The following SDCBP variants were observed in gnomAD, a reference collection of about 807,000 sequenced individuals.
SDCBP encodes syndecan binding protein.
Under a neutral mutation model 30.5 loss-of-function variants are expected in SDCBP, and 22 were observed. That is an observed-to-expected ratio of 0.72 (90% CI 0.52 to 1.03). The LOEUF is 1.03. Among genes scored for constraint, SDCBP ranks in the 50% least tolerant of loss-of-function variants. The pLI, the probability that SDCBP is intolerant of heterozygous loss-of-function variation, is 0.00. For missense variants in SDCBP, 304 were observed against 369.9 expected (o/e 0.82, Z 1.46); for synonymous variants, 103 against 118.7 (o/e 0.87, Z 0.86).
chr8:58,576,596 A>T (rs1805341892), intron 5 of SDCBP, among the ~76,000 whole-genome samples: 1 of 152,108 alleles, frequency 6.6e-6, no homozygotes, highest in Non-Finnish European at 1.5e-5. Context: ...TTCACATTTG[A>T]ATTTAATATG....
chr8:58,561,071 T>G (rs72647437), intron 1 of SDCBP: 1 of 152,052 alleles, frequency 6.6e-6, no homozygotes, highest in Non-Finnish European at 1.5e-5. Context: ...AGATGCAATA[T>G]GCTTCTTTGA....
chr8:58,576,827 T>C (rs781615435), intron 5 of SDCBP, among the ~76,000 whole-genome samples: 3 of 152,244 alleles, frequency 2.0e-5, no homozygotes, highest in Non-Finnish European at 2.9e-5. Context: ...GCTTAGTGCA[T>C]CCAGCCTTTC....
chr8:58,570,307 T>G (rs1804943939), intron 2 of SDCBP, among the ~76,000 whole-genome samples: 1 of 152,200 alleles, frequency 6.6e-6, no homozygotes, highest in Non-Finnish European at 1.5e-5. Context: ...CAAATTACAT[T>G]ACCTTGTCAT....
intron 1 of SDCBP, chr8:58,561,831 A>C: frequency 1.5e-6 from 1 of 664,722 alleles, no homozygotes; most frequent in Middle Eastern, 2.4e-4. Context: ...TATAAGTCTA[A>C]GACAAAAGTT....
intron 1 of SDCBP, among the ~76,000 whole-genome samples, chr8:58,553,977 A>G (rs1039785890): frequency 6.6e-6 from 1 of 152,190 alleles, no homozygotes; most frequent in Non-Finnish European, 1.5e-5. Context: ...CTGAGATATG[A>G]TGACTCAGAG....
At position 58,581,808 on chromosome 8, in the gene SDCBP, G is replaced by T; in HGVS notation, c.*68G>T. 3 of 1,304,842 alleles carry T rather than the reference G, an allele frequency of 2.3e-6. No homozygotes were observed. Among genetic ancestry groups the T allele is most frequent in the Non-Finnish European group, 3.3e-6 (3 of 900,362 alleles). The allele number at this position is 1,304,842 out of a possible 1,614,324, so 80.8% of individuals were successfully genotyped here. A position where few individuals can be genotyped will look rare whatever the true frequency, so the allele number is the denominator to read the frequency against. ...CCTTCTTTGGCAACTTCTGTATTAT[G>T]CACGTGAAGCCTTCCCGGAGCCAGC... On this transcript the variant is annotated 3_prime_UTR_variant, in exon 9 of 9. Transcript: ENST00000260130.
rs575924759 is a variant in SDCBP, at chr8:58,565,416, G to A, written c.51+332G>A. Reference sequence around the variant, plus strand: ...ATATTCATAGTTTTGTATAAAATTGGTATATTTTTCTTTTGGATCTTTAGG... The same window carrying A: ...ATATTCATAGTTTTGTATAAAATTGATATATTTTTCTTTTGGATCTTTAGG... On this transcript the variant is annotated intron_variant, in intron 2 of 8. Coordinates refer to ENST00000260130, the MANE Select transcript of SDCBP (RefSeq NM_005625.4). Among the ~76,000 whole-genome samples the A allele has an allele frequency of 2.6e-5, 4 of 152,046 alleles. No individual in the cohort carries two copies. In the South Asian group the frequency reaches 8.3e-4, roughly 32 times the overall value.
At chr8:58,577,157 T>G (rs1236815413) in intron 5 of SDCBP, among the ~76,000 whole-genome samples, 3 of 152,232 alleles carry the variant, frequency 2.0e-5, no homozygotes, top group Non-Finnish European at 4.4e-5. Context: ...TTGCAGTGGA[T>G]TTGTTCACTT....
At chr8:58,565,206 T>C (rs1473486965) in intron 2 of SDCBP, 122 bp downstream of exon 2, 1 of 427,888 alleles carries the variant, frequency 2.3e-6, no homozygotes, top group East Asian at 3.9e-5. Context: ...TTCATAAACC[T>C]TTTTTTAGTT....
intron 1 of SDCBP, among the ~76,000 whole-genome samples, chr8:58,557,321 TA>T (rs1180106437): frequency 3.7e-5 from 5 of 134,334 alleles, no homozygotes; most frequent in South Asian, 2.2e-4. Flanking sequence ...TATATAAATA[TA>T]AAATATATAA....
At chr8:58,573,384 A>G (rs1805140808) in intron 4 of SDCBP, among the ~76,000 whole-genome samples, 1 of 152,198 alleles carries the variant, frequency 6.6e-6, no homozygotes, top group Admixed American at 6.5e-5. Flanking sequence ...AACAAATAAT[A>G]GTAGGTATTT....
intron 1 of SDCBP, among the ~76,000 whole-genome samples, chr8:58,559,768 T>A (rs1392984941): frequency 2.0e-5 from 3 of 152,154 alleles, no homozygotes; most frequent in Admixed American, 6.5e-5. Context: ...CCAGACCTCT[T>A]TGTGAGAAAT....
chr8:58,558,786 A>C (rs897806167), intron 1 of SDCBP, among the ~76,000 whole-genome samples: 4 of 152,198 alleles, frequency 2.6e-5, no homozygotes, highest in African/African-American at 9.6e-5. Flanking sequence ...CTCAAGGCTA[A>C]CTAGGATTTT....
At chr8:58,581,622 A>T in intron 8 of SDCBP, 64 bp from the exon 9 acceptor site, 1 of 1,210,182 alleles carries the variant, frequency 8.3e-7, no homozygotes, top group Non-Finnish European at 1.2e-6. Flanking sequence ...TTCTTGGATT[A>T]ATGTAGCATT....
intron 2 of SDCBP, among the ~76,000 whole-genome samples, chr8:58,566,122 A>G (rs924597058): frequency 1.3e-5 from 2 of 152,146 alleles, no homozygotes; most frequent in Non-Finnish European, 1.5e-5. Context: ...ACATGTTCCT[A>G]TCACTTCTTT....
At chr8:58,580,688 G>C in intron 8 of SDCBP, 80 bp downstream of exon 8, 1 of 783,342 alleles carries the variant, frequency 1.3e-6, no homozygotes, top group East Asian at 2.6e-5. Context: ...TCAGCCCTTT[G>C]GTTCTTTTAC....
intron 1 of SDCBP, among the ~76,000 whole-genome samples, chr8:58,557,153 T>TA (rs1563501811): frequency 2.4e-5 from 3 of 123,038 alleles, no homozygotes; most frequent in Admixed American, 8.9e-5. Flanking sequence ...AATATTATAA[T>TA]ATATAATTAT....
At chr8:58,579,012 A>T (rs1048459158) in intron 6 of SDCBP, among the ~76,000 whole-genome samples, 1 of 152,234 alleles carries the variant, frequency 6.6e-6, no homozygotes, top group African/African-American at 2.4e-5. Context: ...AACAGAGTTT[A>T]TAGAGAATCA....
intron 5 of SDCBP, 25 bp from the exon 6 acceptor site, chr8:58,578,008 C>A: frequency 1.9e-6 from 3 of 1,588,912 alleles, no homozygotes; most frequent in Non-Finnish European, 2.6e-6. Flanking sequence ...TGGTAAATGA[C>A]AAAAATTATT....
Sources: gnomAD v4.1 joint callset for allele counts (sites outside exome capture counted in the v4.1 genomes callset) on GRCh38, gnomAD v4.1.1 for gene constraint, MANE v1.5 for transcripts, NCBI Gene and HGNC (gene_info 2026-07-23, HGNC 2026-07-21) for gene names.